CFAP299: variants seen among roughly 807,000 people sequenced by gnomAD.
The protein encoded by CFAP299 is cilia and flagella associated protein 299.
Under a neutral mutation model 27.0 loss-of-function variants are expected in CFAP299, and 21 were observed. That is an observed-to-expected ratio of 0.78 (90% confidence interval 0.55 to 1.12). CFAP299 has a LOEUF of 1.12. CFAP299 is among the 50% of genes most tolerant of loss of function. CFAP299 has a pLI of 0.00. For missense variants in CFAP299, 310 were observed against 276.6 expected (o/e 1.12, Z -0.86); for synonymous variants, 104 against 98.1 (o/e 1.06, Z -0.36).
At chr4:80,769,722 T>C (rs1284882431) in intron 3 of CFAP299, among the ~76,000 whole-genome samples, 1 of 152,174 alleles carries the variant, frequency 6.6e-6, no homozygotes, top group East Asian at 1.9e-4. Flanking sequence ...CACAGTTCTA[T>C]ATGTCAGAAG....
intron 3 of CFAP299, among the ~76,000 whole-genome samples, chr4:80,640,328 T>C (rs764293464): frequency 6.6e-6 from 1 of 152,130 alleles, no homozygotes; most frequent in African/African-American, 2.4e-5. Context: ...AAACCTGGAA[T>C]AGTAGACTGA....
chr4:80,783,828 A>G (rs1333578281), intron 3 of CFAP299, among the ~76,000 whole-genome samples: 1 of 152,028 alleles, frequency 6.6e-6, no homozygotes, highest in African/African-American at 2.4e-5. Context: ...TTCCATTTTA[A>G]TCCTTTCATA....
At chr4:80,723,919 C>T (rs1722989613) in intron 3 of CFAP299, among the ~76,000 whole-genome samples, 1 of 151,684 alleles carries the variant, frequency 6.6e-6, no homozygotes, top group Admixed American at 6.6e-5. Context: ...ATCAAATAAA[C>T]AGTTTCACCA....
intron 3 of CFAP299, among the ~76,000 whole-genome samples, chr4:80,667,915 C>T (rs962114261): frequency 6.6e-6 from 1 of 151,932 alleles, no homozygotes; most frequent in African/African-American, 2.4e-5. Context: ...TCCATACTGG[C>T]TGCATTAATT....
Position 80,809,705 on chromosome 4 carries a change from A to G in CFAP299, c.334-60288A>G, listed in dbSNP as rs529112998. Among the ~76,000 whole-genome samples the G allele has an allele frequency of 5.3e-5, 8 of 152,258 alleles. No homozygotes were observed. The South Asian group carries it at 1.7e-3, about 32-fold the overall frequency. Reference sequence around the variant, plus strand: ...TTTTCATGATGTTACACATCTTCTCAAAAACTTCAGTGACTCCCATCCCTT... The same window carrying G: ...TTTTCATGATGTTACACATCTTCTCGAAAACTTCAGTGACTCCCATCCCTT... On this transcript the variant is annotated intron_variant, in intron 3 of 5. Transcript: ENST00000358105.
chr4:80,364,089 A>AGCACACACACACACACACACAC (rs1553916989), intron 2 of CFAP299, among the ~76,000 whole-genome samples: 3 of 110,844 alleles, frequency 2.7e-5, no homozygotes, highest in African/African-American at 1.2e-4. Context: ...TCCGTCTCAA[A>AGCACACACACACACACACACAC]ACACACACAC....
chr4:80,434,612 C>A (rs900883838), intron 2 of CFAP299, among the ~76,000 whole-genome samples: 9 of 152,142 alleles, frequency 5.9e-5, no homozygotes. Context: ...CCTGGACTAC[C>A]ATTTTCAGAA....
intron 2 of CFAP299, among the ~76,000 whole-genome samples, chr4:80,438,165 A>C (rs1283802087): frequency 6.6e-6 from 1 of 152,170 alleles, no homozygotes; most frequent in African/African-American, 2.4e-5. Context: ...AAGGAAACAG[A>C]ATAGAGGGGT....
intron 3 of CFAP299, among the ~76,000 whole-genome samples, chr4:80,752,704 A>G (rs1044429134): frequency 6.6e-6 from 1 of 151,316 alleles, no homozygotes; most frequent in African/African-American, 2.4e-5. Context: ...GTTTCTTTGT[A>G]CCTCTTCTCT....
chr4:80,755,300 CA>C (rs1053569682), intron 3 of CFAP299, among the ~76,000 whole-genome samples: 5 of 148,506 alleles, frequency 3.4e-5, no homozygotes, highest in African/African-American at 9.9e-5. Flanking sequence ...ACAACAGCAA[CA>C]AAAAAAAAGA....
intron 2 of CFAP299, among the ~76,000 whole-genome samples, chr4:80,463,893 A>T (rs921902632): frequency 1.3e-5 from 2 of 152,142 alleles, no homozygotes; most frequent in Non-Finnish European, 2.9e-5. Flanking sequence ...ATAACTTCAC[A>T]TGCACAAACG....
chr4:80,663,131 T>A (rs1274222809), intron 3 of CFAP299, among the ~76,000 whole-genome samples: 2 of 152,148 alleles, frequency 1.3e-5, no homozygotes, highest in African/African-American at 2.4e-5. Flanking sequence ...TTAAAATTTT[T>A]TTATTATTAT....
chr4:80,435,243 A>G (rs1230041684), intron 2 of CFAP299, among the ~76,000 whole-genome samples: 1 of 152,178 alleles, frequency 6.6e-6, no homozygotes, highest in East Asian at 1.9e-4. Context: ...GCAAAATAAA[A>G]TTAAGGGTAT....
intron 3 of CFAP299, among the ~76,000 whole-genome samples, chr4:80,750,258 G>T (rs972418360): frequency 6.6e-6 from 1 of 151,982 alleles, no homozygotes; most frequent in African/African-American, 2.4e-5. Context: ...TAACTAATTT[G>T]ATATATCTAG....
chr4:80,612,609 C>G (rs1183751747), intron 3 of CFAP299, among the ~76,000 whole-genome samples: 1 of 151,958 alleles, frequency 6.6e-6, no homozygotes, highest in Non-Finnish European at 1.5e-5. Flanking sequence ...GGTGAATTGT[C>G]CCTATTTGTT....
At chr4:80,650,301 A>G (rs998410985) in intron 3 of CFAP299, among the ~76,000 whole-genome samples, 2 of 152,012 alleles carry the variant, frequency 1.3e-5, no homozygotes, top group Non-Finnish European at 2.9e-5. Context: ...TCCAGAAGGT[A>G]CTTTGTAGGA....
At chr4:80,662,666 T>G (rs547208029) in intron 3 of CFAP299, among the ~76,000 whole-genome samples, 1 of 152,306 alleles carries the variant, frequency 6.6e-6, no homozygotes, top group East Asian at 1.9e-4. Flanking sequence ...GTGAATAGAT[T>G]GGCAGTGTAG....
At chr4:80,384,475 T>G (rs1049368677) in intron 2 of CFAP299, among the ~76,000 whole-genome samples, 2 of 152,212 alleles carry the variant, frequency 1.3e-5, no homozygotes, top group African/African-American at 4.8e-5. Flanking sequence ...ACTGTCAAGT[T>G]ATACCATTGA....
chr4:80,548,271 T>C (rs1459253204), intron 2 of CFAP299, among the ~76,000 whole-genome samples: 1 of 152,142 alleles, frequency 6.6e-6, no homozygotes, highest in Admixed American at 6.6e-5. Context: ...CTAAGTGAAC[T>C]AATGCAGGAA....
Sources: allele counts gnomAD v4.1 joint callset (sites outside exome capture counted in the v4.1 genomes callset), GRCh38; gene constraint gnomAD v4.1.1; transcripts MANE v1.5; gene names NCBI Gene and HGNC (gene_info 2026-07-23, HGNC 2026-07-21).